Variants in TRHDE observed in about 807,000 individuals in gnomAD.
TRHDE encodes the protein thyrotropin-releasing hormone-degrading ectoenzyme.
TRHDE carries 72 observed loss-of-function variants against 125.7 expected under a neutral mutation model. The observed-to-expected ratio is 0.57, with a 90% CI of 0.47 to 0.70. The LOEUF is 0.70. Among genes scored for constraint, TRHDE ranks in the 30% least tolerant of loss-of-function variants. TRHDE has a pLI of 0.00. For missense variants in TRHDE, 1,110 were observed against 1,327.1 expected (o/e 0.84, Z 2.54); for synonymous variants, 509 against 509.1 (o/e 1.00, Z 0.00).
chr12:72,495,065 T>TG (rs1877850879), intron 5 of TRHDE, among the ~76,000 whole-genome samples: 1 of 136,702 alleles, frequency 7.3e-6, no homozygotes, highest in South Asian at 2.4e-4. Context: ...CCCCCGTTTT[T>TG]TTTTTTTTTT....
Position 72,472,984 on chromosome 12 carries a change from T to C in TRHDE, c.1471-83T>C, listed in dbSNP as rs563134278. 1.0e-5 allele frequency: 11 copies of C among 1,052,900 alleles called. No individual in the cohort carries two copies. In the East Asian group the frequency reaches 2.4e-4, roughly 23 times the overall value. The allele number at this position is 1,052,900 out of a possible 1,614,324, so 65.2% of individuals were successfully genotyped here. On this transcript the variant is annotated intron_variant, in intron 4 of 18. Transcript: ENST00000261180. ...GAATGAATTCCAGTTATAATAATCA[T>C]AGTTTAATACATGTAATTTTAGATA...
At position 72,663,035 on chromosome 12, in the gene TRHDE, A is replaced by C; in HGVS notation, c.3067-17A>C. The stretch of plus-strand genomic sequence containing the variant: ...TTAAGACAGGCAGATTTACCATTTA[A>C]AAATTTCTCTTTCCAGCTCAAGAAC... On this transcript the variant is annotated splice_polypyrimidine_tract_variant and intron_variant, in intron 18 of 18. Transcript: ENST00000261180. 1 of 1,595,558 alleles carries C rather than the reference A, an allele frequency of 6.3e-7. No individual in the cohort carries two copies. Among genetic ancestry groups the C allele is most frequent in the Non-Finnish European group, 8.5e-7 (1 of 1,171,190 alleles).
At position 72,146,920 on chromosome 12, in the gene TRHDE, C is replaced by A. The variant is rs146964537; in HGVS notation, n.279+41168C>A. On this transcript the variant is annotated intron_variant and non_coding_transcript_variant, in intron 2 of 4. Coordinates refer to the TRHDE transcript ENST00000548156. ...GGCTCTCAGTGAGATGGATGCGGAGCCGGAAGAAGGGATGGGGTGGGAAGG... is the reference window on the plus strand; with the variant it reads ...GGCTCTCAGTGAGATGGATGCGGAGACGGAAGAAGGGATGGGGTGGGAAGG... Among the ~76,000 whole-genome samples, 1,111 of 152,252 alleles carry A rather than the reference C, an allele frequency of 7.3e-3. 7 individuals carry two copies. Among genetic ancestry groups the A allele is most frequent in the Non-Finnish European group, 0.012 (794 of 68,020 alleles).
chr12:72,620,723 A>T (rs1873017793), intron 13 of TRHDE, among the ~76,000 whole-genome samples: 1 of 152,134 alleles, frequency 6.6e-6, no homozygotes, highest in Non-Finnish European at 1.5e-5. Context: ...TGTTGATATA[A>T]AATGCGTAAA....
At chr12:72,542,878 T>A (rs879450336) in intron 7 of TRHDE, among the ~76,000 whole-genome samples, 2 of 151,330 alleles carry the variant, frequency 1.3e-5, no homozygotes, top group Non-Finnish European at 3.0e-5. Flanking sequence ...AAAGATACAG[T>A]TTTTATCATA....
chr12:72,398,424 A>G (rs1000472604), intron 3 of TRHDE, among the ~76,000 whole-genome samples: 4 of 152,116 alleles, frequency 2.6e-5, no homozygotes, highest in Non-Finnish European at 5.9e-5. Flanking sequence ...GTCATTTTTT[A>G]TAGCATTTAT....
chr12:72,649,009 A>C (rs1267666779), intron 15 of TRHDE, among the ~76,000 whole-genome samples: 2 of 152,078 alleles, frequency 1.3e-5, no homozygotes, highest in Non-Finnish European at 2.9e-5. Context: ...TTTCTATCAA[A>C]ATTCCAATGA....
chr12:72,154,298 A>T (rs913415427), intron 2 of TRHDE, among the ~76,000 whole-genome samples: 1 of 152,110 alleles, frequency 6.6e-6, no homozygotes, highest in Non-Finnish European at 1.5e-5. Context: ...GTCTCTGCAC[A>T]TGAGATGGGT....
intron 5 of TRHDE, among the ~76,000 whole-genome samples, chr12:72,486,164 C>A (rs1341841947): frequency 6.6e-6 from 1 of 152,170 alleles, no homozygotes; most frequent in Non-Finnish European, 1.5e-5. Context: ...TACAGCCACA[C>A]CCCAGTTCCC....
intron 2 of TRHDE, among the ~76,000 whole-genome samples, chr12:72,213,256 CA>C: frequency 1.3e-5 from 2 of 151,594 alleles, no homozygotes; most frequent in South Asian, 4.2e-4. Flanking sequence ...CAAAGATGTT[CA>C]AAAGTAGGTT....
intron 12 of TRHDE, among the ~76,000 whole-genome samples, chr12:72,618,021 T>C (rs960469333): frequency 1.3e-5 from 2 of 152,162 alleles, no homozygotes; most frequent in Admixed American, 6.5e-5. Flanking sequence ...ATAGTGTCAC[T>C]ATATGCCGCA....
At chr12:72,146,304 C>T (rs2139317660) in intron 2 of TRHDE, among the ~76,000 whole-genome samples, 1 of 152,280 alleles carries the variant, frequency 6.6e-6, no homozygotes, top group Non-Finnish European at 1.5e-5. Flanking sequence ...CTTGCAGAAA[C>T]TCTCTTCTCT....
chr12:72,308,851 A>T (rs1467480766), intron 2 of TRHDE, among the ~76,000 whole-genome samples: 2 of 152,210 alleles, frequency 1.3e-5, no homozygotes, highest in African/African-American at 4.8e-5. Context: ...TTTCTGACTT[A>T]GTTGAGAAGA....
At chr12:72,095,013 C>A (rs1193987294) in intron 1 of TRHDE, among the ~76,000 whole-genome samples, 1 of 152,246 alleles carries the variant, frequency 6.6e-6, no homozygotes, top group Non-Finnish European at 1.5e-5. Flanking sequence ...TAAATTCTTT[C>A]TTGATTATCT....
chr12:72,564,296 T>C (rs1870326330), intron 9 of TRHDE, among the ~76,000 whole-genome samples: 1 of 152,156 alleles, frequency 6.6e-6, no homozygotes, highest in African/African-American at 2.4e-5. Flanking sequence ...GTGCTGTTTC[T>C]AATCTTCTGA....
chr12:72,600,632 AG>A (rs1872170909), intron 12 of TRHDE, among the ~76,000 whole-genome samples: 1 of 152,054 alleles, frequency 6.6e-6, no homozygotes, highest in Admixed American at 6.6e-5. Flanking sequence ...TATTAGTTCC[AG>A]GAGTCTTTTG....
At chr12:72,501,164 T>G (rs1377257970) in intron 6 of TRHDE, among the ~76,000 whole-genome samples, 2 of 152,098 alleles carry the variant, frequency 1.3e-5, no homozygotes, top group African/African-American at 4.8e-5. Context: ...ATTTTGAAAT[T>G]TCATTTCTAA....
intron 1 of TRHDE, among the ~76,000 whole-genome samples, chr12:72,281,179 T>C (rs955500626): frequency 6.6e-6 from 1 of 152,166 alleles, no homozygotes; most frequent in Non-Finnish European, 1.5e-5. Context: ...TTTACTCCAA[T>C]GGTTATTTAA....
chr12:72,256,300 C>T (rs779064013), intron 2 of TRHDE: 2 of 152,184 alleles, frequency 1.3e-5, no homozygotes, highest in African/African-American at 2.4e-5. Context: ...GCCACCCAGA[C>T]CTGCTTGCCA....
Sources: gnomAD v4.1 joint callset for allele counts (sites outside exome capture counted in the v4.1 genomes callset) on GRCh38, gnomAD v4.1.1 for gene constraint, MANE v1.5 for transcripts, NCBI Gene and HGNC (gene_info 2026-07-23, HGNC 2026-07-21) for gene names.